The following CWH43 variants were observed in gnomAD, a reference collection of about 807,000 sequenced individuals.
CWH43 encodes the protein cell wall biogenesis 43 C-terminal homolog.
A neutral mutation model predicts 85.7 loss-of-function variants in CWH43; 91 were observed. The observed-to-expected ratio is 1.06, with a 90% CI of 0.90 to 1.26. The LOEUF (loss-of-function observed/expected upper bound fraction) is 1.26, where lower values mean the gene tolerates loss of function less well. Ranked by LOEUF, CWH43 falls within the 50% of genes most tolerant of loss-of-function variation. CWH43 has a pLI of 0.00. For missense variants in CWH43, 869 were observed against 839.2 expected (o/e 1.04, Z -0.44); for synonymous variants, 323 against 293.6 (o/e 1.10, Z -1.02).
intron 13 of CWH43, among the ~76,000 whole-genome samples, chr4:49,043,901 A>G (rs1390466828): frequency 6.6e-6 from 1 of 152,064 alleles, no homozygotes; most frequent in Non-Finnish European, 1.5e-5. Context: ...TGTGTATTAT[A>G]AACAACAATA....
chr4:49,043,581 T>A (rs1273482370), intron 13 of CWH43, among the ~76,000 whole-genome samples: 1 of 152,214 alleles, frequency 6.6e-6, no homozygotes, highest in African/African-American at 2.4e-5. Context: ...TAATCATCAA[T>A]GCTTGGATGA....
At chr4:48,989,252 C>T (rs559026784) in intron 2 of CWH43, among the ~76,000 whole-genome samples, 88 of 152,040 alleles carry the variant, frequency 5.8e-4, no homozygotes, top group Non-Finnish European at 1.1e-3. Context: ...ATGTATAGGT[C>T]ATAAATCATA....
intron 12 of CWH43, among the ~76,000 whole-genome samples, chr4:49,037,569 CA>C (rs5858140): frequency 7.7e-4 from 109 of 142,256 alleles, no homozygotes; most frequent in East Asian, 1.0e-3. Flanking sequence ...GACTCTGTCT[CA>C]AAAAAAAAAA....
chr4:48,998,612 A>T, intron 6 of CWH43, 64 bp downstream of exon 6: 1 of 1,180,014 alleles, frequency 8.5e-7, no homozygotes, highest in South Asian at 1.2e-5. Flanking sequence ...GTTTGCAAGC[A>T]TGCGCAACTC....
chr4:49,037,174 G>C (rs181774005), intron 12 of CWH43, among the ~76,000 whole-genome samples: 1 of 152,200 alleles, frequency 6.6e-6, no homozygotes, highest in East Asian at 1.9e-4. Context: ...GAAGCTTGAT[G>C]TACCCACCTA....
intron 13 of CWH43, among the ~76,000 whole-genome samples, chr4:49,041,931 G>T (rs775057031): frequency 6.6e-6 from 1 of 152,152 alleles, no homozygotes; most frequent in African/African-American, 2.4e-5. Context: ...AAGTTGAGAG[G>T]TGCAATGTTT....
chr4:49,013,421 G>A (rs1277314455), intron 8 of CWH43, among the ~76,000 whole-genome samples: 4 of 152,374 alleles, frequency 2.6e-5, no homozygotes, highest in South Asian at 2.1e-4. Flanking sequence ...GCTAGGAAAG[G>A]GAAATCCTCT....
chr4:48,988,327 CCA>C, intron 1 of CWH43, 148 bp from the exon 2 acceptor site: 1 of 448,292 alleles, frequency 2.2e-6, no homozygotes. Flanking sequence ...TTGTTTTGTT[CCA>C]TGTCAGTGGA....
chr4:49,041,474 G>A (rs1217052311), intron 13 of CWH43, among the ~76,000 whole-genome samples: 5 of 152,082 alleles, frequency 3.3e-5, no homozygotes, highest in Non-Finnish European at 7.4e-5. Context: ...CTTGTAAGTT[G>A]GATTCCTAAG....
At position 49,003,905 on chromosome 4, in the gene CWH43, C is replaced by G. The variant is rs770096059; in HGVS notation, c.973C>G (p.Leu325Val). The stretch of plus-strand genomic sequence containing the variant: ...GACCATTGCCATGATATTTTATCTT[C>G]TAGAAATATTTTTCTGTGCCTGGTG... ...TMTIAMIFYL[L>V]EIFFCAWCTA... Residue 325 changes from leucine to valine, a missense_variant, in exon 7 of 16, where the codon CTA (leucine) becomes GTA (valine). Leu to Val is a conservative substitution (Grantham distance 32, BLOSUM62 1). This residue lies in a region of CWH43 where 577 missense variants were observed against 513.1 expected (regional missense o/e 1.12). Coordinates refer to ENST00000226432, the MANE Select transcript of CWH43 (RefSeq NM_025087.3). 1 of 1,613,838 alleles carries G rather than the reference C, an allele frequency of 6.2e-7. No homozygotes were observed. The highest frequency in any genetic ancestry group is 8.5e-7 in the Non-Finnish European group (1 of 1,179,824).
chr4:49,053,591 G>C (rs1784863125), intron 15 of CWH43, among the ~76,000 whole-genome samples: 1 of 152,078 alleles, frequency 6.6e-6, no homozygotes, highest in Admixed American at 6.6e-5. Context: ...GTCTTCTTTT[G>C]AGAAATATTT....
At chr4:48,986,729 G>A in intron 1 of CWH43, 1 of 1,331,632 alleles carries the variant, frequency 7.5e-7, no homozygotes, top group East Asian at 3.0e-5. Flanking sequence ...AGCAGCCCTG[G>A]GATTGTGCCC....
chr4:49,017,215 TA>T (rs779241091), intron 8 of CWH43, 33 bp from the exon 9 acceptor site: 1 of 1,555,590 alleles, frequency 6.4e-7, no homozygotes, highest in African/African-American at 1.4e-5. Context: ...TTATTTATTT[TA>T]AAAAAACCCA....
At chr4:49,001,294 A>G (rs1191577414) in intron 6 of CWH43, among the ~76,000 whole-genome samples, 1 of 152,204 alleles carries the variant, frequency 6.6e-6, no homozygotes, top group Non-Finnish European at 1.5e-5. Context: ...AACTTCATTT[A>G]TTGAAAACTT....
At chr4:49,050,233 C>A (rs1330673034) in intron 14 of CWH43, among the ~76,000 whole-genome samples, 1 of 152,142 alleles carries the variant, frequency 6.6e-6, no homozygotes, top group Non-Finnish European at 1.5e-5. Context: ...ATTGAAAGCT[C>A]TAAGCCAAAA....
chr4:49,050,760 G>T lies in CWH43; in HGVS notation c.1932G>T (p.Arg644Ser). The T allele has an allele frequency of 3.1e-6, 5 of 1,611,692 alleles. No individual in the cohort carries two copies. Among genetic ancestry groups the T allele is most frequent in the South Asian group, 1.1e-5 (1 of 91,016 alleles). The stretch of plus-strand genomic sequence containing the variant: ...CAGAAATTCAGATGGCAAAATTTAG[G>T]ATCCCTGATGACCCCACTAATTATA... ...SDSEIQMAKF[R>S]IPDDPTNYRD... Residue 644 changes from arginine to serine, a missense_variant, in exon 15 of 16, where the codon AGG becomes AGT. Physicochemically the swap from Arg to Ser is moderately radical, Grantham distance 110 (BLOSUM62 -1). This residue lies in a region of CWH43 where 577 missense variants were observed against 513.1 expected (regional missense o/e 1.12). Coordinates refer to ENST00000226432, the MANE Select transcript of CWH43 (RefSeq NM_025087.3).
rs756672997 is a variant in CWH43, at chr4:48,991,893, G to A, written c.357-43G>A. 1.2e-5 allele frequency: 18 copies of A among 1,520,432 alleles called. No homozygotes were observed. In the Admixed American group the frequency reaches 1.9e-4, roughly 16 times the overall value. The allele number at this position is 1,520,432 out of a possible 1,614,324, so 94.2% of individuals were successfully genotyped here. ...AAATTCATGATGGACATAGTACATT[G>A]AGTCCACATAAAAAGTGTTTAAAAA... On this transcript the variant is annotated intron_variant, in intron 3 of 15. Coordinates refer to ENST00000226432, the MANE Select transcript of CWH43 (RefSeq NM_025087.3).
chr4:49,057,733 T>C (rs1207708132), intron 15 of CWH43, among the ~76,000 whole-genome samples: 2 of 152,218 alleles, frequency 1.3e-5, no homozygotes, highest in Admixed American at 6.5e-5. Flanking sequence ...CTACTACTAT[T>C]GTATTGCTGT....
chr4:49,040,185 G>C (rs1405089110), intron 13 of CWH43, among the ~76,000 whole-genome samples: 2 of 152,166 alleles, frequency 1.3e-5, no homozygotes, highest in African/African-American at 4.8e-5. Context: ...TTGCTATTGT[G>C]AATAGTGCCG....
Sources: allele counts gnomAD v4.1 joint callset (sites outside exome capture counted in the v4.1 genomes callset), GRCh38; gene constraint gnomAD v4.1.1; regional missense constraint gnomAD v4.1.1; transcripts MANE v1.5; gene names NCBI Gene and HGNC (gene_info 2026-07-23, HGNC 2026-07-21).